The following ERN1 variants were observed in gnomAD, a reference collection of about 807,000 sequenced individuals.
ERN1 encodes the protein serine/threonine-protein kinase/endoribonuclease IRE1.
A neutral mutation model predicts 113.1 loss-of-function variants in ERN1; 39 were observed. The ratio of observed to expected loss-of-function variants is 0.34; its 90% CI spans 0.27 to 0.45. The LOEUF (loss-of-function observed/expected upper bound fraction) is 0.45, where lower values mean the gene tolerates loss of function less well. ERN1 is among the 20% of genes least tolerant of loss of function. ERN1 has a pLI of 1.00. For missense variants in ERN1, 976 were observed against 1,274.8 expected (o/e 0.77, Z 3.57); for synonymous variants, 507 against 515.9 (o/e 0.98, Z 0.23).
chr17:64,130,138 A>C lies in ERN1; in HGVS notation c.-109T>G, dbSNP rs1915204483. The C allele has an allele frequency of 3.9e-6, 4 of 1,036,124 alleles. No individual in the cohort carries two copies. The highest frequency in any genetic ancestry group is 5.0e-6 in the Non-Finnish European group (4 of 800,632). The allele number at this position is 1,036,124 out of a possible 1,614,324, so 64.2% of individuals were successfully genotyped here. On this transcript the variant is annotated 5_prime_UTR_variant, in exon 1 of 22. Coordinates refer to ENST00000433197, the MANE Select transcript of ERN1 (RefSeq NM_001433.5). The surrounding 1 kb of genome is among the most constrained non-coding windows in gnomAD (Gnocchi z 4.0). ...AGCCTCAGCGGACGCAGAACTGACT[A>C]GGCAGCGGCGGCACCCCCATTCCCG...
intron 2 of ERN1, among the ~76,000 whole-genome samples, chr17:64,094,064 C>T (rs62073080): frequency 0.1 from 15,449 of 152,272 alleles, 1,073 homozygotes; most frequent in African/African-American, 0.2. Flanking sequence ...GCCAGACATT[C>T]TCATGGGCCA....
intron 1 of ERN1, 96 bp from the exon 2 acceptor site, chr17:64,098,337 A>C: frequency 6.9e-7 from 1 of 1,448,568 alleles, no homozygotes; most frequent in Non-Finnish European, 9.7e-7. Context: ...TATCCTACTA[A>C]AACCCTCCAT....
At chr17:64,096,620 T>C (rs1420899949) in intron 2 of ERN1, among the ~76,000 whole-genome samples, 6 of 152,182 alleles carry the variant, frequency 3.9e-5, no homozygotes, top group East Asian at 3.8e-4. Flanking sequence ...CAAAAAAGGT[T>C]GGGCACTGCT....
In ERN1 at chr17:64,063,862, G is replaced by T; in HGVS notation, c.1087+124C>A. The T allele has an allele frequency of 1.2e-6, 1 of 834,684 alleles. No homozygotes were observed. The highest frequency in any genetic ancestry group is 1.9e-6 in the Non-Finnish European group (1 of 536,108). 51.7% of individuals were successfully genotyped at this position (834,684 alleles called of 1,614,324 possible). A position where few individuals can be genotyped will look rare whatever the true frequency, so the allele number is the denominator to read the frequency against. ...AAATGTCCCAAGGTCTCAGGGGCCA[G>T]CCGGGAAGGGCTCTGAGCACAAGGC... On this transcript the variant is annotated intron_variant, in intron 10 of 21. Coordinates refer to ENST00000433197, the MANE Select transcript of ERN1 (RefSeq NM_001433.5). This position sits in a 1 kb window ranked among gnomAD's most constrained non-coding sequence, Gnocchi z 5.1.
At chr17:64,071,946 A>T (rs1913433396) in intron 6 of ERN1, 35 bp downstream of exon 6, 1 of 1,549,934 alleles carries the variant, frequency 6.5e-7, no homozygotes, top group African/African-American at 1.4e-5. Flanking sequence ...TTCTGGAAAC[A>T]GGCAGGTTGT....
At chr17:64,055,544 G>T in intron 13 of ERN1, 131 bp downstream of exon 13, 1 of 868,994 alleles carries the variant, frequency 1.2e-6, no homozygotes, top group South Asian at 2.2e-5. Flanking sequence ...GAGACCCCCA[G>T]AGTGGAAGTT....
intron 1 of ERN1, among the ~76,000 whole-genome samples, chr17:64,105,051 G>C (rs1434890206): frequency 6.6e-6 from 1 of 152,080 alleles, no homozygotes; most frequent in Non-Finnish European, 1.5e-5. Flanking sequence ...TTGTGAACAA[G>C]AGAGTCACAC....
intron 1 of ERN1, among the ~76,000 whole-genome samples, chr17:64,114,500 A>C (rs1914754587): frequency 6.6e-6 from 1 of 152,206 alleles, no homozygotes; most frequent in Non-Finnish European, 1.5e-5. Flanking sequence ...CTGAGACTGC[A>C]GAGAATTTGT....
At chr17:64,064,371 G>T (rs1271436231) in intron 9 of ERN1, among the ~76,000 whole-genome samples, 1 of 152,228 alleles carries the variant, frequency 6.6e-6, no homozygotes, top group East Asian at 1.9e-4. Flanking sequence ...AGATTCTTAT[G>T]TCTGGGTACT....
At chr17:64,125,019 T>C (rs1193001143) in intron 1 of ERN1, among the ~76,000 whole-genome samples, 1 of 152,196 alleles carries the variant, frequency 6.6e-6, no homozygotes, top group Non-Finnish European at 1.5e-5. Context: ...AGTTTATTTC[T>C]GGGATGATGA....
intron 2 of ERN1, among the ~76,000 whole-genome samples, chr17:64,093,133 CAA>C (rs940848576): frequency 7.1e-6 from 1 of 140,154 alleles, no homozygotes; most frequent in Non-Finnish European, 1.6e-5. Flanking sequence ...CCACAGAAAG[CAA>C]AAAAAAAAAG....
At chr17:64,115,027 T>A (rs913647420) in intron 1 of ERN1, among the ~76,000 whole-genome samples, 1 of 152,220 alleles carries the variant, frequency 6.6e-6, no homozygotes. Context: ...GAAAGCTCCC[T>A]CTGAAGGGTT....
At chr17:64,105,015 C>T (rs1467628769) in intron 1 of ERN1, among the ~76,000 whole-genome samples, 2 of 151,906 alleles carry the variant, frequency 1.3e-5, no homozygotes, top group African/African-American at 2.4e-5. Context: ...GGCGTGTACA[C>T]ACACACACAC....
chr17:64,082,849 G>GTT (rs1913809892), intron 2 of ERN1, among the ~76,000 whole-genome samples: 1 of 123,886 alleles, frequency 8.1e-6, no homozygotes, highest in African/African-American at 5.0e-5. Context: ...TAAGAACTGT[G>GTT]ATTTTTTTTT....
chr17:64,106,835 C>G (rs1287037421), intron 1 of ERN1, among the ~76,000 whole-genome samples: 1 of 152,000 alleles, frequency 6.6e-6, no homozygotes, highest in Non-Finnish European at 1.5e-5. Flanking sequence ...CAAGCTCTCT[C>G]TCACTCAACC....
At chr17:64,060,134 T>C (rs1913005505) in intron 11 of ERN1, among the ~76,000 whole-genome samples, 1 of 152,244 alleles carries the variant, frequency 6.6e-6, no homozygotes, top group Admixed American at 6.5e-5. Context: ...GCCTGTGAGC[T>C]GGGCACACCA....
At chr17:64,076,065 T>C (rs1376674970) in intron 4 of ERN1, among the ~76,000 whole-genome samples, 2 of 152,206 alleles carry the variant, frequency 1.3e-5, no homozygotes, top group South Asian at 2.1e-4. Context: ...GAAGTTAAGA[T>C]AGGTGCCAGG....
intron 5 of ERN1, among the ~76,000 whole-genome samples, chr17:64,072,719 A>G (rs1913459212): frequency 1.3e-5 from 2 of 152,262 alleles, no homozygotes; most frequent in Admixed American, 1.3e-4. Context: ...TGGTCAGCTG[A>G]TTATGACAGG....
At chr17:64,095,594 G>A (rs1199759889) in intron 2 of ERN1, among the ~76,000 whole-genome samples, 1 of 152,004 alleles carries the variant, frequency 6.6e-6, no homozygotes, top group Non-Finnish European at 1.5e-5. Flanking sequence ...TTCCAGGTCT[G>A]CTTCCTGTTT....
Sources: gnomAD v4.1 joint callset for allele counts (sites outside exome capture counted in the v4.1 genomes callset) on GRCh38, gnomAD v4.1.1 for gene constraint, Gnocchi (gnomAD v3.1) non-coding constraint, MANE v1.5 for transcripts, NCBI Gene and HGNC (gene_info 2026-07-23, HGNC 2026-07-21) for gene names.